Variants in DMD observed in about 807,000 individuals in gnomAD.
DMD encodes the protein mutant dystrophin.
A neutral mutation model predicts 330.1 loss-of-function variants in DMD; 63 were observed. That is an observed-to-expected ratio of 0.19 (90% CI 0.16 to 0.24). The LOEUF (loss-of-function observed/expected upper bound fraction) is 0.24. Among genes scored for constraint, DMD ranks in the 10% least tolerant of loss-of-function variants. The pLI, the probability that DMD is intolerant of heterozygous loss-of-function variation, is 1.00. For missense variants in DMD, 3,344 were observed against 2,684.1 expected (o/e 1.25, Z -5.43); for synonymous variants, 1,223 against 959.8 (o/e 1.27, Z -5.07).
intron 16 of DMD, among the ~76,000 whole-genome samples, chrX:32,549,002 G>A (rs937262377): frequency 9.0e-6 from 1 of 111,607 alleles, no homozygotes; most frequent in Non-Finnish European, 1.9e-5. Flanking sequence ...TTTTGATTAT[G>A]AGTCTATTTA....
chrX:32,717,965 A>G (rs148606268), intron 7 of DMD, among the ~76,000 whole-genome samples: 1,468 of 111,368 alleles, frequency 0.013, 18 homozygotes, highest in African/African-American at 0.046. Context: ...TAATGCCTGT[A>G]CCCTCATTGT....
intron 60 of DMD, among the ~76,000 whole-genome samples, chrX:31,384,723 G>A (rs1197017872): frequency 9.0e-6 from 1 of 111,451 alleles, no homozygotes; most frequent in Non-Finnish European, 1.9e-5. Flanking sequence ...CTGCTCTCAT[G>A]ACCTCAAAAA....
At chrX:33,194,337 T>C (rs916275149) in intron 1 of DMD, among the ~76,000 whole-genome samples, 3 of 110,654 alleles carry the variant, frequency 2.7e-5, no homozygotes, top group Admixed American at 9.8e-5. Flanking sequence ...TAAGCTTTCA[T>C]CTAGGCACAA....
At chrX:32,607,158 A>T (rs1217379702) in intron 12 of DMD, among the ~76,000 whole-genome samples, 1 of 110,385 alleles carries the variant, frequency 9.1e-6, no homozygotes, top group Non-Finnish European at 1.9e-5. Context: ...CTTCTAAGAC[A>T]TGCTTATTAC....
At chrX:32,382,283 A>C (rs1325031758) in intron 33 of DMD, among the ~76,000 whole-genome samples, 1 of 111,630 alleles carries the variant, frequency 9.0e-6, no homozygotes, top group African/African-American at 3.2e-5. Flanking sequence ...TACCACCACC[A>C]CAAGTGCGTT....
intron 2 of DMD, among the ~76,000 whole-genome samples, chrX:32,894,166 T>C (rs1402006543): frequency 8.9e-6 from 1 of 112,260 alleles, no homozygotes; most frequent in African/African-American, 3.2e-5. Flanking sequence ...CTTGATATTA[T>C]TGTTTTGAGA....
chrX:32,622,834 A>G (rs928882724), intron 11 of DMD, among the ~76,000 whole-genome samples: 6 of 111,935 alleles, frequency 5.4e-5, no homozygotes, highest in African/African-American at 1.9e-4. Flanking sequence ...ATTCTGATTT[A>G]AATTCACGGG....
intron 55 of DMD, among the ~76,000 whole-genome samples, chrX:31,530,722 T>G (rs1272609980): frequency 1.4e-5 from 1 of 72,910 alleles, no homozygotes; most frequent in African/African-American, 5.2e-5. Context: ...ATGTGCACAT[T>G]GTGCAGGTTA....
At chrX:33,127,865 T>C (rs1023096330) in intron 1 of DMD, among the ~76,000 whole-genome samples, 1 of 111,743 alleles carries the variant, frequency 8.9e-6, no homozygotes, top group Non-Finnish European at 1.9e-5. Context: ...ACAAAGTTCA[T>C]TAAAGCCACA....
chrX:31,220,996 A>G (rs2045971101), intron 64 of DMD, among the ~76,000 whole-genome samples: 1 of 100,266 alleles, frequency 1.0e-5, no homozygotes, highest in African/African-American at 3.7e-5. Context: ...TGTGGCCCGG[A>G]GAAGCCAAAA....
intron 2 of DMD, among the ~76,000 whole-genome samples, chrX:32,856,623 C>T (rs998335110): frequency 9.0e-6 from 1 of 111,681 alleles, no homozygotes; most frequent in Non-Finnish European, 1.9e-5. Flanking sequence ...CAATTGAACT[C>T]ATGGAGACAG....
chrX:32,167,251 C>A (rs1317365182), intron 44 of DMD, among the ~76,000 whole-genome samples: 1 of 112,506 alleles, frequency 8.9e-6, no homozygotes, highest in Non-Finnish European at 1.9e-5. Flanking sequence ...GGTTTTAACT[C>A]TGCACGTTGT....
At chrX:32,570,984 A>C (rs1041352264) in intron 15 of DMD, among the ~76,000 whole-genome samples, 3 of 111,835 alleles carry the variant, frequency 2.7e-5, no homozygotes, top group African/African-American at 9.7e-5. Flanking sequence ...AGATGGCTGT[A>C]AAATATCCTC....
intron 17 of DMD, among the ~76,000 whole-genome samples, chrX:32,520,244 G>A (rs1030705106): frequency 9.0e-6 from 1 of 111,672 alleles, no homozygotes; most frequent in Non-Finnish European, 1.9e-5. Flanking sequence ...AAAATATACA[G>A]TACAATTATA....
At chrX:32,706,144 C>A (rs1190989569) in intron 7 of DMD, among the ~76,000 whole-genome samples, 6 of 99,273 alleles carry the variant, frequency 6.0e-5, no homozygotes, top group African/African-American at 2.2e-4. Context: ...CCAAACACTG[C>A]ATGTTCTCAC....
At chrX:32,804,937 C>CA (rs2076845948) in intron 7 of DMD, among the ~76,000 whole-genome samples, 2 of 112,045 alleles carry the variant, frequency 1.8e-5, no homozygotes, top group African/African-American at 6.5e-5. Flanking sequence ...AAAGGACATC[C>CA]ACTCAGAAAC....
chrX:31,738,285 C>T (rs185845223), intron 51 of DMD, among the ~76,000 whole-genome samples: 191 of 112,179 alleles, frequency 1.7e-3, no homozygotes, highest in Admixed American at 0.014. Flanking sequence ...ATCAAGAATA[C>T]ATACAAATGG....
intron 9 of DMD, among the ~76,000 whole-genome samples, chrX:32,646,678 T>A (rs1158017765): frequency 2.7e-5 from 3 of 111,630 alleles, no homozygotes; most frequent in Non-Finnish European, 3.8e-5. Flanking sequence ...CAGCACCAAC[T>A]TACTTGTGCT....
At chrX:31,786,468 T>TA (rs1367592982) in intron 50 of DMD, among the ~76,000 whole-genome samples, 4 of 111,494 alleles carry the variant, frequency 3.6e-5, no homozygotes, top group Non-Finnish European at 7.5e-5. Context: ...ATGGTTCTGA[T>TA]ATATTAAGGC....
Sources: gnomAD v4.1 joint callset for allele counts (sites outside exome capture counted in the v4.1 genomes callset) on GRCh38, gnomAD v4.1.1 for gene constraint, MANE v1.5 for transcripts, NCBI Gene and HGNC (gene_info 2026-07-23, HGNC 2026-07-21) for gene names.